The following IGF1R variants were observed in gnomAD, a reference collection of about 807,000 sequenced individuals.
IGF1R encodes insulin like growth factor 1 receptor, also known as insulin-like growth factor 1 receptor.
Under a neutral mutation model 144.6 loss-of-function variants are expected in IGF1R, and 44 were observed. The ratio of observed to expected loss-of-function variants is 0.30; its 90% CI spans 0.24 to 0.39. The LOEUF (loss-of-function observed/expected upper bound fraction) is 0.39. Among genes scored for constraint, IGF1R ranks in the 10% least tolerant of loss-of-function variants. IGF1R has a pLI of 1.00. For synonymous variants in IGF1R, 795 were observed against 722.8 expected (o/e 1.10, Z -1.60); for missense variants, 1,355 against 1,833.7 (o/e 0.74, Z 4.77).
chr15:98,834,769 G>A (rs760254652), intron 2 of IGF1R, among the ~76,000 whole-genome samples: 3 of 152,144 alleles, frequency 2.0e-5, no homozygotes, highest in African/African-American at 4.8e-5. Flanking sequence ...GACATGGAAG[G>A]GTTTTCATTG....
intron 8 of IGF1R, among the ~76,000 whole-genome samples, chr15:98,914,700 T>A (rs923854803): frequency 3.3e-5 from 5 of 152,316 alleles, no homozygotes; most frequent in South Asian, 2.1e-4. Flanking sequence ...AAGAAACCTG[T>A]TTCCTTTCCA....
intron 13 of IGF1R, among the ~76,000 whole-genome samples, chr15:98,926,256 G>A (rs2015713555): frequency 6.6e-6 from 1 of 152,182 alleles, no homozygotes; most frequent in Admixed American, 6.5e-5. Context: ...TGATAATGCG[G>A]AATCTAAGAA....
chr15:98,854,391 G>GT (rs1247393687), intron 2 of IGF1R, among the ~76,000 whole-genome samples: 1 of 152,240 alleles, frequency 6.6e-6, no homozygotes, highest in Non-Finnish European at 1.5e-5. Flanking sequence ...AGGACTCAGT[G>GT]AAGTGCCTTA....
At position 98,648,828 on chromosome 15, in the gene IGF1R, G is replaced by C. The variant is rs1413980664; in HGVS notation, c.-754G>C. 6.5e-6 allele frequency: 1 copy of C among 153,096 alleles called. No homozygotes were observed. Among genetic ancestry groups the C allele is most frequent in the African/African-American group, 2.5e-5 (1 of 40,212 alleles). The allele number at this position is 153,096 out of a possible 1,614,324, so 9.5% of individuals were successfully genotyped here. A position where few individuals can be genotyped will look rare whatever the true frequency, so the allele number is the denominator to read the frequency against. On this transcript the variant is annotated 5_prime_UTR_variant, in exon 1 of 21. Coordinates refer to ENST00000650285, the MANE Select transcript of IGF1R (RefSeq NM_000875.5). ...CTCGGCTGTGACCTTCAGCGAGCCG[G>C]AGCCCCCGCGCAGAGCAGGCGGCGG...
chr15:98,726,302 A>G (rs1180068197), intron 2 of IGF1R, among the ~76,000 whole-genome samples: 4 of 152,166 alleles, frequency 2.6e-5, no homozygotes, highest in African/African-American at 9.7e-5. Flanking sequence ...ATCGTAGCTC[A>G]CCTAATACTT....
intron 2 of IGF1R, among the ~76,000 whole-genome samples, chr15:98,771,669 T>A (rs2055588966): frequency 6.6e-6 from 1 of 152,182 alleles, no homozygotes. Context: ...GGTTTCCCCC[T>A]GCAGCTCACT....
intron 13 of IGF1R, among the ~76,000 whole-genome samples, chr15:98,927,464 C>T (rs971592257): frequency 6.6e-6 from 1 of 152,188 alleles, no homozygotes; most frequent in African/African-American, 2.4e-5. Flanking sequence ...ACACCAGTTT[C>T]CTAGCCATTT....
At chr15:98,845,262 C>G (rs2141541311) in intron 2 of IGF1R, among the ~76,000 whole-genome samples, 1 of 152,234 alleles carries the variant, frequency 6.6e-6, no homozygotes, top group South Asian at 2.1e-4. Context: ...TTTCATTTAC[C>G]CTGGATCAGA....
At chr15:98,813,894 A>G (rs895562742) in intron 2 of IGF1R, among the ~76,000 whole-genome samples, 5 of 152,216 alleles carry the variant, frequency 3.3e-5, no homozygotes, top group Non-Finnish European at 5.9e-5. Context: ...ATTTTCCACC[A>G]TTGTAATTGT....
intron 1 of IGF1R, among the ~76,000 whole-genome samples, chr15:98,680,414 C>T (rs778742601): frequency 6.6e-6 from 1 of 152,024 alleles, no homozygotes; most frequent in Non-Finnish European, 1.5e-5. Flanking sequence ...CTACAGGCGC[C>T]TGCCACCACG....
At chr15:98,739,333 C>A (rs1009371014) in intron 2 of IGF1R, among the ~76,000 whole-genome samples, 1 of 152,128 alleles carries the variant, frequency 6.6e-6, no homozygotes, top group African/African-American at 2.4e-5. Flanking sequence ...TCTGTCATAG[C>A]CTTCCTAGCA....
intron 2 of IGF1R, among the ~76,000 whole-genome samples, chr15:98,810,141 G>A (rs2056554310): frequency 6.6e-6 from 1 of 151,902 alleles, no homozygotes; most frequent in East Asian, 1.9e-4. Flanking sequence ...ATGGTGTGGG[G>A]GTGGCTGGCG....
At chr15:98,853,721 G>A (rs1164500777) in intron 2 of IGF1R, among the ~76,000 whole-genome samples, 1 of 152,224 alleles carries the variant, frequency 6.6e-6, no homozygotes, top group Non-Finnish European at 1.5e-5. Flanking sequence ...TTGCAAAGCC[G>A]TGGCCGCTTG....
rs374465368 is a variant in IGF1R, at chr15:98,908,746, C to T, written c.1309C>T (p.Arg437Cys). 5.6e-6 allele frequency: 9 copies of T among 1,614,086 alleles called. No individual in the cohort carries two copies. Among genetic ancestry groups the T allele is most frequent in the East Asian group, 4.5e-5 (2 of 44,882 alleles). Residue 437 changes from arginine (R) to cysteine (C), a missense_variant, in exon 6 of 21, where the codon CGC becomes TGC. Physicochemically the swap from Arg to Cys is radical, Grantham distance 180 (BLOSUM62 -3). Transcript: ENST00000650285. The part of the protein sequence containing the change: ...NLQQLWDWDH[R>C]NLTIKAGKMY... ...GCAGCAACTGTGGGACTGGGACCAC[C>T]GCAACCTGACCATCAAAGCAGGGAA... is the stretch of plus-strand genomic sequence containing the variant.
At chr15:98,678,534 T>C (rs1008644996) in intron 1 of IGF1R, among the ~76,000 whole-genome samples, 3 of 152,080 alleles carry the variant, frequency 2.0e-5, no homozygotes, top group African/African-American at 4.8e-5. Flanking sequence ...TTGTGTTTCT[T>C]TTTGTTGTTG....
intron 2 of IGF1R, among the ~76,000 whole-genome samples, chr15:98,868,740 C>A (rs1388518173): frequency 6.6e-6 from 1 of 152,152 alleles, no homozygotes; most frequent in Non-Finnish European, 1.5e-5. Context: ...CCCTCTTTGG[C>A]TTGTTGCACA....
Position 98,779,413 on chromosome 15 carries a change from G to A in IGF1R, c.640+71306G>A, listed in dbSNP as rs188455799. Among the ~76,000 whole-genome samples, 5 of 152,294 alleles carry A rather than the reference G, an allele frequency of 3.3e-5. No homozygotes were observed. The East Asian group carries it at 9.6e-4, about 29-fold the overall frequency. ...ATTTAAGAACACTGCTCTGTGCTAT[G>A]TACCATTCTAAGCACTTTACAGATA... On this transcript the variant is annotated intron_variant, in intron 2 of 20. Transcript: ENST00000650285.
intron 14 of IGF1R, 101 bp from the exon 15 acceptor site, chr15:98,930,132 CGT>C: frequency 1.2e-6 from 1 of 818,486 alleles, no homozygotes. Context: ...GTTCTGATAC[CGT>C]GTGAGAGAGG....
chr15:98,866,158 CA>C (rs774042516), intron 2 of IGF1R, among the ~76,000 whole-genome samples: 2 of 152,204 alleles, frequency 1.3e-5, no homozygotes, highest in Non-Finnish European at 1.5e-5. Context: ...GCGAGCACCC[CA>C]TGACTCAGAG....
Sources: gnomAD v4.1 joint callset for allele counts (sites outside exome capture counted in the v4.1 genomes callset) on GRCh38, gnomAD v4.1.1 for gene constraint, MANE v1.5 for transcripts, NCBI Gene and HGNC (gene_info 2026-07-23, HGNC 2026-07-21) for gene names.